PXDNL: variants seen among roughly 807,000 people sequenced by gnomAD.
PXDNL encodes probable oxidoreductase PXDNL.
In PXDNL, 145 loss-of-function variants were observed where a neutral mutation model predicts 150.8. The observed-to-expected ratio is 0.96, with a 90% confidence interval of 0.84 to 1.10. PXDNL has a LOEUF of 1.10. Ranked by LOEUF, PXDNL falls within the 50% of genes least tolerant of loss-of-function variation. The pLI, the probability that PXDNL is intolerant of heterozygous loss-of-function variation, is 0.00. For missense variants in PXDNL, 2,087 were observed against 1,873.9 expected (o/e 1.11, Z -2.10); for synonymous variants, 757 against 725.7 (o/e 1.04, Z -0.69).
chr8:51,446,389 T>C (rs144411066), intron 12 of PXDNL, among the ~76,000 whole-genome samples: 47 of 152,336 alleles, frequency 3.1e-4, no homozygotes, highest in African/African-American at 1.1e-3. Flanking sequence ...CATTTCACCA[T>C]AAGCCAGAAA....
chr8:51,704,938 T>C (rs1453136484), intron 1 of PXDNL, among the ~76,000 whole-genome samples: 1 of 152,186 alleles, frequency 6.6e-6, no homozygotes, highest in African/African-American at 2.4e-5. Context: ...CACCTACACA[T>C]AAACACTTTA....
chr8:51,784,930 T>C (rs1328089099), intron 1 of PXDNL, among the ~76,000 whole-genome samples: 1 of 152,140 alleles, frequency 6.6e-6, no homozygotes, highest in East Asian at 1.9e-4. Context: ...CATATATAGG[T>C]TTTGCTTATT....
intron 3 of PXDNL, among the ~76,000 whole-genome samples, chr8:51,571,097 G>GA (rs201495009): frequency 0.029 from 4,088 of 142,942 alleles, 176 homozygotes; most frequent in African/African-American, 0.098. Context: ...CTTTTTTTTT[G>GA]AAAAAAAAAA....
At chr8:51,606,583 T>G (rs1229267663) in intron 2 of PXDNL, among the ~76,000 whole-genome samples, 2 of 152,182 alleles carry the variant, frequency 1.3e-5, no homozygotes, top group East Asian at 3.8e-4. Flanking sequence ...CATCTAGAAC[T>G]GTGCTGCCCA....
chr8:51,493,668 A>G (rs914035309), intron 5 of PXDNL, among the ~76,000 whole-genome samples: 5 of 152,238 alleles, frequency 3.3e-5, no homozygotes, highest in Non-Finnish European at 5.9e-5. Flanking sequence ...ATCATGTGGA[A>G]GAAACTGTAT....
In PXDNL at chr8:51,411,351, A is replaced by G. The variant is rs1264565833; in HGVS notation, c.1961T>C (p.Leu654Pro). 1.3e-6 allele frequency: 2 copies of G among 1,588,788 alleles called. No individual in the cohort carries two copies. Among genetic ancestry groups the G allele is most frequent in the Non-Finnish European group, 1.7e-6 (2 of 1,170,442 alleles). ...CCCTGCTCTTGCCATTTCCACAATC[A>G]GTGGGTCACGCGGGTAATGAAATTG... ...LAQFHYPRDPLIVEMARAGEI... is the reference protein window; with the variant it reads ...LAQFHYPRDPPIVEMARAGEI... The change falls in exon 16 of 23, where the codon CTG (leucine) becomes CCG (proline). Residue 654 changes from leucine (L) to proline (P), a missense_variant. Transcript: ENST00000356297.
intron 21 of PXDNL, among the ~76,000 whole-genome samples, chr8:51,331,189 T>G (rs947952734): frequency 6.6e-6 from 1 of 152,092 alleles, no homozygotes; most frequent in Admixed American, 6.5e-5. Flanking sequence ...AACCCTCCTT[T>G]CCCGGACACA....
At chr8:51,400,100 G>C (rs1244206206) in intron 17 of PXDNL, among the ~76,000 whole-genome samples, 1 of 152,174 alleles carries the variant, frequency 6.6e-6, no homozygotes, top group African/African-American at 2.4e-5. Flanking sequence ...CCCTTATCCA[G>C]CTTGGGATCA....
At chr8:51,360,622 G>A (rs1279409780) in intron 19 of PXDNL, among the ~76,000 whole-genome samples, 1 of 152,184 alleles carries the variant, frequency 6.6e-6, no homozygotes, top group Non-Finnish European at 1.5e-5. Flanking sequence ...TTAGACCAAA[G>A]CTACTTCCTT....
chr8:51,360,343 C>T (rs552616404), intron 19 of PXDNL, among the ~76,000 whole-genome samples: 3 of 152,166 alleles, frequency 2.0e-5, no homozygotes, highest in African/African-American at 7.2e-5. Flanking sequence ...ATATACACAC[C>T]TGTACATGCC....
intron 2 of PXDNL, among the ~76,000 whole-genome samples, chr8:51,600,561 A>G (rs1230901044): frequency 1.5e-5 from 2 of 134,586 alleles, no homozygotes; most frequent in South Asian, 4.7e-4. Context: ...TATATAAATT[A>G]TATCGTTTAG....
chr8:51,462,240 A>T (rs369376988), intron 8 of PXDNL, among the ~76,000 whole-genome samples: 8 of 152,340 alleles, frequency 5.3e-5, no homozygotes, highest in African/African-American at 1.4e-4. Flanking sequence ...CAATTAAAAA[A>T]GTCAGAGCAT....
At chr8:51,447,240 G>A in intron 11 of PXDNL, 78 bp from the exon 12 acceptor site, 1 of 1,464,376 alleles carries the variant, frequency 6.8e-7, no homozygotes, top group Non-Finnish European at 9.4e-7. Context: ...CCTGGCTAAA[G>A]GGTGAGGCCT....
intron 5 of PXDNL, among the ~76,000 whole-genome samples, chr8:51,489,774 C>T (rs1810848314): frequency 6.6e-6 from 1 of 152,176 alleles, no homozygotes. Flanking sequence ...AACCTATCAA[C>T]TAATTATGAG....
At chr8:51,705,117 G>A (rs369719532) in intron 1 of PXDNL, among the ~76,000 whole-genome samples, 20 of 152,236 alleles carry the variant, frequency 1.3e-4, no homozygotes, top group African/African-American at 4.6e-4. Flanking sequence ...TGTACTGCCC[G>A]CTGGATCATC....
intron 1 of PXDNL, among the ~76,000 whole-genome samples, chr8:51,751,217 A>T (rs1467820461): frequency 6.6e-6 from 1 of 152,204 alleles, no homozygotes; most frequent in African/African-American, 2.4e-5. Flanking sequence ...ATGTAAGCAG[A>T]TCTGCTCTAA....
chr8:51,425,197 C>T (rs535454964), intron 13 of PXDNL, among the ~76,000 whole-genome samples: 1 of 152,334 alleles, frequency 6.6e-6, no homozygotes, highest in East Asian at 1.9e-4. Context: ...CCAGCACATT[C>T]CTTATCTGCT....
intron 17 of PXDNL, among the ~76,000 whole-genome samples, chr8:51,397,033 A>G (rs899282443): frequency 1.4e-4 from 21 of 152,238 alleles, no homozygotes; most frequent in African/African-American, 4.8e-4. Flanking sequence ...CACGTCTGTC[A>G]TAAATGAACC....
intron 8 of PXDNL, among the ~76,000 whole-genome samples, chr8:51,467,834 C>G (rs180912538): frequency 6.6e-6 from 1 of 152,090 alleles, no homozygotes; most frequent in Admixed American, 6.5e-5. Flanking sequence ...TGAAACTAAC[C>G]TTCGTTCTGA....
Sources: gnomAD v4.1 joint callset for allele counts (sites outside exome capture counted in the v4.1 genomes callset) on GRCh38, gnomAD v4.1.1 for gene constraint, MANE v1.5 for transcripts, NCBI Gene and HGNC (gene_info 2026-07-23, HGNC 2026-07-21) for gene names.